Variants in CEP15 observed in about 807,000 individuals in gnomAD.
The protein encoded by CEP15 is centrosomal protein 15, also known as centrosomal protein 15 kDa.
chr3:62,327,437 C>G, the CEP15 span, among the ~76,000 whole-genome samples: 9 of 151,934 alleles, frequency 5.9e-5, no homozygotes, highest in African/African-American at 1.5e-4. Flanking sequence ...TTTGCACTTA[C>G]AGCACATCTT....
the CEP15 span, chr3:62,324,093 A>T: frequency 6.6e-6 from 1 of 152,152 alleles, no homozygotes; most frequent in South Asian, 2.1e-4. Context: ...AAGTAAAATA[A>T]ATGAGACTTA....
the CEP15 span, chr3:62,320,370 C>A: frequency 3.6e-6 from 3 of 824,866 alleles, no homozygotes; most frequent in South Asian, 1.8e-5. Flanking sequence ...CTGAGAGAAC[C>A]AATGGATTAA....
chr3:62,333,275 A>T, the CEP15 span: 1 of 1,610,332 alleles, frequency 6.2e-7, no homozygotes, highest in Admixed American at 1.7e-5. The surrounding 1 kb of genome is among the most constrained non-coding windows in gnomAD (Gnocchi z 4.0). Flanking sequence ...GGGCATCAGT[A>T]GAAGAATATA....
chr3:62,333,204 C>T, the CEP15 span: 1 of 1,587,592 alleles, frequency 6.3e-7, no homozygotes, highest in Non-Finnish European at 8.6e-7. The surrounding 1 kb of genome is among the most constrained non-coding windows in gnomAD (Gnocchi z 4.0). Context: ...TTATGAAGAG[C>T]CAAGTTCAAT....
the CEP15 span, among the ~76,000 whole-genome samples, chr3:62,323,688 G>A: frequency 2.0e-5 from 3 of 152,080 alleles, no homozygotes; most frequent in Non-Finnish European, 4.4e-5. Context: ...CTAAGAAATC[G>A]TAGTCATACA....
the CEP15 span, among the ~76,000 whole-genome samples, chr3:62,327,768 T>A: frequency 6.6e-6 from 1 of 152,210 alleles, no homozygotes; most frequent in Non-Finnish European, 1.5e-5. Flanking sequence ...GGTGAACACT[T>A]TCTCTATAGC....
At chr3:62,328,466 C>G in the CEP15 span, among the ~76,000 whole-genome samples, 1 of 152,150 alleles carries the variant, frequency 6.6e-6, no homozygotes, top group East Asian at 1.9e-4. Context: ...TGTGGTTATA[C>G]CACCAACTAC....
the CEP15 span, chr3:62,319,038 G>A: frequency 2.6e-5 from 4 of 152,268 alleles, no homozygotes; most frequent in African/African-American, 4.8e-5. Context: ...TTCCCGGAAG[G>A]GCTCAGAGGC....
the CEP15 span, chr3:62,333,588 A>G: frequency 4.0e-6 from 2 of 500,424 alleles, no homozygotes; most frequent in Non-Finnish European, 6.8e-6. The surrounding 1 kb of genome is among the most constrained non-coding windows in gnomAD (Gnocchi z 4.0). Flanking sequence ...TTTGCTTTCT[A>G]CCAAACCCAT....
chr3:62,331,007 A>G, the CEP15 span, among the ~76,000 whole-genome samples: 3 of 152,100 alleles, frequency 2.0e-5, no homozygotes, highest in Non-Finnish European at 4.4e-5. Flanking sequence ...GTAAGAGCTA[A>G]ATTAATGCAC....
the CEP15 span, among the ~76,000 whole-genome samples, chr3:62,326,233 G>A: frequency 6.6e-6 from 1 of 152,024 alleles, no homozygotes; most frequent in Admixed American, 6.6e-5. Flanking sequence ...CAAGATGGTC[G>A]GTGACTTACA....
the CEP15 span, among the ~76,000 whole-genome samples, chr3:62,328,763 T>C: frequency 1.4e-5 from 2 of 145,208 alleles, no homozygotes; most frequent in Admixed American, 7.3e-5. Context: ...CCCTGCACTT[T>C]GTTAGATACT....
At chr3:62,328,750 A>G in the CEP15 span, among the ~76,000 whole-genome samples, 30 of 151,472 alleles carry the variant, frequency 2.0e-4, no homozygotes, top group Middle Eastern at 3.4e-3. Context: ...TGCCTAGTAC[A>G]TGCCCTGCAC....
At chr3:62,319,960 A>G in the CEP15 span, 1 of 152,508 alleles carries the variant, frequency 6.6e-6, no homozygotes, top group Non-Finnish European at 1.5e-5. Context: ...GCAGTTACAC[A>G]TGAAAAGTAC....
At chr3:62,329,218 TAAG>T in the CEP15 span, among the ~76,000 whole-genome samples, 1 of 152,116 alleles carries the variant, frequency 6.6e-6, no homozygotes, top group Non-Finnish European at 1.5e-5. Context: ...ATGGCAGGTA[TAAG>T]AAGAGTTAAA....
chr3:62,320,619 CA>C, the CEP15 span: 3 of 884,668 alleles, frequency 3.4e-6, no homozygotes, highest in African/African-American at 3.4e-5. Context: ...AATTTGCAAG[CA>C]TGTCATTTTA....
the CEP15 span, chr3:62,333,391 T>C: frequency 1.2e-6 from 2 of 1,608,610 alleles, no homozygotes; most frequent in Non-Finnish European, 8.5e-7. The surrounding 1 kb of genome is among the most constrained non-coding windows in gnomAD (Gnocchi z 4.0). Context: ...CAGCGATAAC[T>C]TCTTCACATG....
the CEP15 span, chr3:62,331,194 T>C: frequency 1.5e-6 from 1 of 646,556 alleles, no homozygotes; most frequent in South Asian, 2.0e-5. Context: ...TACCATAGTG[T>C]GCCTCCATCC....
At chr3:62,324,371 C>A in the CEP15 span, among the ~76,000 whole-genome samples, 3 of 152,092 alleles carry the variant, frequency 2.0e-5, no homozygotes, top group Non-Finnish European at 4.4e-5. Flanking sequence ...ACTGAACTTG[C>A]AGCCTGAGTG....
Sources: allele counts gnomAD v4.1 joint callset (sites outside exome capture counted in the v4.1 genomes callset), GRCh38; gene constraint gnomAD v4.1.1; non-coding constraint Gnocchi (gnomAD v3.1); transcripts MANE v1.5; gene names NCBI Gene and HGNC (gene_info 2026-07-23, HGNC 2026-07-21).